The following PDS5A variants were observed in gnomAD, a reference collection of about 807,000 sequenced individuals.
PDS5A encodes sister chromatid cohesion protein PDS5 homolog A.
A neutral mutation model predicts 167.1 loss-of-function variants in PDS5A; 42 were observed. That is an observed-to-expected ratio of 0.25 (90% CI 0.20 to 0.33). The LOEUF is 0.33. Among genes scored for constraint, PDS5A ranks in the 10% least tolerant of loss-of-function variants. The pLI is 1.00. For synonymous variants in PDS5A, 553 were observed against 554.6 expected (o/e 1.00, Z 0.04); for missense variants, 1,033 against 1,605.9 (o/e 0.64, Z 6.10).
At chr4:39,842,254 T>G (rs1446750160) in intron 30 of PDS5A, among the ~76,000 whole-genome samples, 198 bp from the exon 31 acceptor site, 2 of 152,248 alleles carry the variant, frequency 1.3e-5, no homozygotes, top group African/African-American at 4.8e-5. Flanking sequence ...TAAAGTGGTA[T>G]CAATTTCCAT....
At chr4:39,901,693 A>T (rs1722901327) in intron 13 of PDS5A, among the ~76,000 whole-genome samples, 1 of 152,194 alleles carries the variant, frequency 6.6e-6, no homozygotes, top group Non-Finnish European at 1.5e-5. Context: ...ATTGCCCAGG[A>T]TGGTCAAGCT....
chr4:39,976,409 C>T (rs754520690), intron 2 of PDS5A, 31 bp downstream of exon 2: 2 of 1,595,416 alleles, frequency 1.3e-6, no homozygotes, highest in South Asian at 2.2e-5. Context: ...CGCCTTCTAC[C>T]AAAGACATCA....
intron 11 of PDS5A, among the ~76,000 whole-genome samples, chr4:39,905,078 C>G (rs1389036202): frequency 2.0e-5 from 3 of 152,096 alleles, no homozygotes; most frequent in Non-Finnish European, 2.9e-5. Context: ...GCAGGTGCAT[C>G]GCTTGAGCTC....
At chr4:39,930,215 CAAAAAAAAAAAAAAAAAAAAAAAAA>C (rs764983592) in intron 2 of PDS5A, among the ~76,000 whole-genome samples, 1 of 35,090 alleles carries the variant, frequency 2.8e-5, no homozygotes, top group East Asian at 1.2e-3. Flanking sequence ...GACTCCATCT[CAAAAAAAAAAAAAAAAAAAAAAAAA>C]AAAAAAGTTT....
At chr4:39,910,158 CT>C in intron 10 of PDS5A, 85 bp downstream of exon 10, 1 of 660,796 alleles carries the variant, frequency 1.5e-6, no homozygotes, top group Non-Finnish European at 2.7e-6. Flanking sequence ...TTAAAACCTA[CT>C]TGGAAAGTGA....
intron 28 of PDS5A, chr4:39,848,184 G>A (rs1466868954): frequency 6.6e-6 from 1 of 152,278 alleles, no homozygotes; most frequent in East Asian, 1.9e-4. Context: ...TGCTCTAAGG[G>A]GATCATTACT....
rs1719060693 is a variant in PDS5A at position 39,862,200 on chromosome 4, GAAAAAC to G, written c.3086+13_3086+18del. On this transcript the variant is annotated intron_variant, in intron 26 of 32. Transcript: ENST00000303538. ...ACTAAACATAATTTTTAGAGTTCTT[GAAAAAC>G]AACAAGACTTACTCTTTGATATCAC... The G allele has an allele frequency of 9.6e-7, 1 of 1,043,240 alleles. No homozygotes were observed. The highest frequency in any genetic ancestry group is 1.4e-6 in the Non-Finnish European group (1 of 738,468). 64.6% of individuals were successfully genotyped at this position (1,043,240 alleles called of 1,614,324 possible). A position where few individuals can be genotyped will look rare whatever the true frequency, so the allele number is the denominator to read the frequency against.
intron 18 of PDS5A, among the ~76,000 whole-genome samples, chr4:39,878,963 C>T (rs1391757955): frequency 6.6e-6 from 1 of 152,060 alleles, no homozygotes; most frequent in Non-Finnish European, 1.5e-5. Flanking sequence ...AGGATGGTCT[C>T]GATCTCTTGA....
chr4:39,844,763 A>C lies in PDS5A; in HGVS notation c.3441T>G (p.Pro1147=). The change falls in exon 30 of 33, where the codon CCT becomes CCG. Residue 1147 remains proline, a synonymous_variant. Coordinates refer to ENST00000303538, the MANE Select transcript of PDS5A (RefSeq NM_001100399.2). ...AGGGTTTCCTTCCCGTTGCTGATAA[A>C]GGCTTATTTACTGCACCTAGTACTC... ...PAGVLGAVNK[P]LSATGRKPYV... The C allele has an allele frequency of 1.2e-6, 2 of 1,613,372 alleles. No homozygotes were observed. The highest frequency in any genetic ancestry group is 1.7e-6 in the Non-Finnish European group (2 of 1,179,722).
At chr4:39,923,443 AT>A (rs1725182031) in intron 5 of PDS5A, among the ~76,000 whole-genome samples, 1 of 152,060 alleles carries the variant, frequency 6.6e-6, no homozygotes, top group African/African-American at 2.4e-5. Context: ...GCCTTAAAAA[AT>A]GTCAATTTTA....
At chr4:39,881,861 G>A (rs182780748) in intron 17 of PDS5A, among the ~76,000 whole-genome samples, 120 of 152,252 alleles carry the variant, frequency 7.9e-4, no homozygotes, top group African/African-American at 2.5e-3. Context: ...TGCCAAGGGC[G>A]GGGCCAGGTA....
At chr4:39,935,708 A>G (rs1258278298) in intron 2 of PDS5A, among the ~76,000 whole-genome samples, 2 of 152,202 alleles carry the variant, frequency 1.3e-5, no homozygotes, top group Non-Finnish European at 2.9e-5. Flanking sequence ...TAGTATGTGA[A>G]TCATCCAACT....
intron 2 of PDS5A, among the ~76,000 whole-genome samples, chr4:39,970,061 A>G (rs906076940): frequency 6.6e-6 from 1 of 151,696 alleles, no homozygotes; most frequent in African/African-American, 2.4e-5. Context: ...TATGTTGGTC[A>G]GACTGGTCTC....
At chr4:39,938,697 C>A (rs745999591) in intron 2 of PDS5A, among the ~76,000 whole-genome samples, 27 of 152,082 alleles carry the variant, frequency 1.8e-4, no homozygotes, top group Non-Finnish European at 2.6e-4. Context: ...TTAGGCCAGG[C>A]GCAGTAGCTC....
chr4:39,870,214 A>G (rs1719903916), intron 21 of PDS5A, among the ~76,000 whole-genome samples: 2 of 152,224 alleles, frequency 1.3e-5, no homozygotes, highest in South Asian at 4.1e-4. Flanking sequence ...TTAACTCAGA[A>G]TTAATCAAAT....
At position 39,833,010 on chromosome 4, in the gene PDS5A, T is replaced by A. The variant is rs1445142257; in HGVS notation, c.4010+4846A>T. On this transcript the variant is annotated intron_variant, in intron 32 of 32. Coordinates refer to ENST00000303538, the MANE Select transcript of PDS5A (RefSeq NM_001100399.2). ...ATCTCTACTAAAAAAAAGAAAAAAA[T>A]AATAAATAAATAAATAAATATATAT... 4.7e-5 allele frequency among the ~76,000 whole-genome samples: 7 copies of A among 148,354 alleles called. 1 individual carries two copies. The highest frequency in any genetic ancestry group is 1.0e-4 in the African/African-American group (4 of 40,186).
At chr4:39,890,651 T>C (rs1267537629) in intron 16 of PDS5A, among the ~76,000 whole-genome samples, 3 of 152,134 alleles carry the variant, frequency 2.0e-5, no homozygotes, top group Non-Finnish European at 2.9e-5. Context: ...CGAGTCTAAC[T>C]CTGTCACCAG....
At chr4:39,883,188 T>TA (rs972234371) in intron 17 of PDS5A, among the ~76,000 whole-genome samples, 5 of 151,884 alleles carry the variant, frequency 3.3e-5, no homozygotes, top group African/African-American at 4.8e-5. Flanking sequence ...TCTTTTTTTT[T>TA]AAAAAAAGAA....
At chr4:39,888,322 G>A (rs1443838228) in intron 17 of PDS5A, among the ~76,000 whole-genome samples, 1 of 148,214 alleles carries the variant, frequency 6.7e-6, no homozygotes, top group Non-Finnish European at 1.5e-5. Context: ...GTAGAAAAAA[G>A]TGAACCCTCA....
Sources: gnomAD v4.1 joint callset for allele counts (sites outside exome capture counted in the v4.1 genomes callset) on GRCh38, gnomAD v4.1.1 for gene constraint, MANE v1.5 for transcripts, NCBI Gene and HGNC (gene_info 2026-07-23, HGNC 2026-07-21) for gene names.